MIS12: variants seen among roughly 807,000 people sequenced by gnomAD.
The protein encoded by MIS12 is protein MIS12 homolog.
Under a neutral mutation model 16.5 loss-of-function variants are expected in MIS12, and 13 were observed. That is an observed-to-expected ratio of 0.79 (90% CI 0.51 to 1.25). The LOEUF is 1.25. MIS12 is among the 50% of genes most tolerant of loss of function. The probability of loss-of-function intolerance (pLI) is 0.00; values close to 1 mark genes in which losing one functional copy is unlikely to be tolerated. For synonymous variants in MIS12, 97 were observed against 87.3 expected, an observed-to-expected ratio of 1.11 and a Z score of -0.62; for missense variants, 199 against 239.5, an observed-to-expected ratio of 0.83 and a Z score of 1.12.
chr17:5,486,989 T>C (rs1214159768), intron 1 of MIS12: 1 of 152,292 alleles, frequency 6.6e-6, no homozygotes. Flanking sequence ...GCCGCATTTA[T>C]TCTGCTCTCA....
rs1178352995 is a variant in MIS12, at chr17:5,490,384, T to G, written c.*904T>G. On this transcript the variant is annotated 3_prime_UTR_variant, in exon 3 of 3. Coordinates refer to ENST00000611091, the MANE Select transcript of MIS12 (RefSeq NM_001258217.2). ...GTAGCATATACTCAGTAGTGAAATT[T>G]AATTTTACTGACTGTTAGGTATCTA... 1 of 167,134 alleles carries G rather than the reference T, an allele frequency of 6.0e-6. No homozygotes were observed. The highest frequency in any genetic ancestry group is 1.5e-5 in the Non-Finnish European group (1 of 68,128). The allele number at this position is 167,134 out of a possible 1,614,324, so 10.4% of individuals were successfully genotyped here.
chr17:5,488,894 A>C lies in MIS12; in HGVS notation c.32A>C (p.Gln11Pro). Residue 11 changes from glutamine (Q) to proline (P), a missense_variant, in exon 3 of 3, where the codon CAG becomes CCG. Transcript: ENST00000611091. Reference protein sequence around the residue: MSVDPMTYEAQFFGFTPQTCM... With the variant: MSVDPMTYEAPFFGFTPQTCM... ...GTGGATCCAATGACCTACGAGGCCCAGTTCTTTGGCTTCACGCCACAAACG... is the reference window on the plus strand; with the variant it reads ...GTGGATCCAATGACCTACGAGGCCCCGTTCTTTGGCTTCACGCCACAAACG... The C allele has an allele frequency of 1.2e-6, 2 of 1,614,166 alleles. No homozygotes were observed. The highest frequency in any genetic ancestry group is 3.3e-5 in the Admixed American group (2 of 60,024).
Position 5,489,572 on chromosome 17 carries a change from G to A in MIS12, c.*92G>A. On this transcript the variant is annotated 3_prime_UTR_variant, in exon 3 of 3. Coordinates refer to ENST00000611091, the MANE Select transcript of MIS12 (RefSeq NM_001258217.2). ...GACTGTTCAAATCATACCAGTGACT[G>A]TTCAAACCAACCATACTTTTTATTA... 7.6e-7 allele frequency: 1 copy of A among 1,313,932 alleles called. No homozygotes were observed. The highest frequency in any genetic ancestry group is 1.0e-6 in the Non-Finnish European group (1 of 968,868). 81.4% of individuals were successfully genotyped at this position (1,313,932 alleles called of 1,614,324 possible). A position where few individuals can be genotyped will look rare whatever the true frequency, so the allele number is the denominator to read the frequency against.
At position 5,489,345 on chromosome 17, in the gene MIS12, G is replaced by A. The variant is rs139365922; in HGVS notation, c.483G>A (p.Glu161=). The A allele has an allele frequency of 6.8e-6, 11 of 1,614,046 alleles. No individual in the cohort carries two copies. Among genetic ancestry groups the A allele is most frequent in the Middle Eastern group, 1.6e-4 (1 of 6,062 alleles). ...KLKQTLTFFD[E]LHNVGRDHGT... is the part of the protein sequence containing the mutation. Reference sequence around the variant, plus strand: ...AACAGACGTTGACTTTCTTTGATGAGCTTCATAATGTTGGCAGAGATCATG... The same window carrying A: ...AACAGACGTTGACTTTCTTTGATGAACTTCATAATGTTGGCAGAGATCATG... Residue 161 remains glutamate (E), a synonymous_variant, in exon 3 of 3, where the codon GAG becomes GAA. Transcript: ENST00000611091.
Position 5,489,175 on chromosome 17 carries a change from A to G in MIS12, c.313A>G (p.Lys105Glu). 1 of 1,614,228 alleles carries G rather than the reference A, an allele frequency of 6.2e-7. No individual in the cohort carries two copies. The highest frequency in any genetic ancestry group is 8.5e-7 in the Non-Finnish European group (1 of 1,180,038). Residue 105 changes from lysine to glutamate, a missense_variant, in exon 3 of 3, where the codon AAG becomes GAG. Transcript: ENST00000611091. ...CATCTTGCTTCCTGAAGATAAATGT[A>G]AGGAGACACCTTATAGTGAGGAAGA... ...SNILLPEDKC[K>E]ETPYSEEDFQ...
At chr17:5,488,145 G>A (rs971792887) in intron 1 of MIS12, 51 bp from the exon 2 acceptor site, 4 of 152,132 alleles carry the variant, frequency 2.6e-5, no homozygotes, top group African/African-American at 9.7e-5. Flanking sequence ...ACATGTCAGG[G>A]TTATAAAGCT....
Position 5,488,488 on chromosome 17 carries a change from C to A in MIS12, c.-142C>A. The A allele has an allele frequency of 1.6e-5, 3 of 182,490 alleles. No individual in the cohort carries two copies. The highest frequency in any genetic ancestry group is 1.2e-4 in the South Asian group (1 of 8,690). The allele number at this position is 182,490 out of a possible 1,614,324, so 11.3% of individuals were successfully genotyped here. On this transcript the variant is annotated 5_prime_UTR_variant, in exon 2 of 3. Coordinates refer to ENST00000611091, the MANE Select transcript of MIS12 (RefSeq NM_001258217.2). ...AAGGTGGAGCTATAGGTCATTGAAG[C>A]TCAAGAAACTGAGTCTCTAGGGCAT...
Position 5,488,993 on chromosome 17 carries a change from T to C in MIS12, c.131T>C (p.Leu44Pro). Reference sequence around the variant, plus strand: ...ATGCAGGCCGTTGAACAGGTTATTCTGAAGAAGCTGGATGGCATCCCAGAC... The same window carrying C: ...ATGCAGGCCGTTGAACAGGTTATTCCGAAGAAGCTGGATGGCATCCCAGAC... ...EVMQAVEQVI[L>P]KKLDGIPDCD... Residue 44 changes from leucine to proline, a missense_variant, in exon 3 of 3, where the codon CTG becomes CCG. Leu to Pro is a moderately conservative substitution (Grantham distance 98). Transcript: ENST00000611091. 1 of 1,614,256 alleles carries C rather than the reference T, an allele frequency of 6.2e-7. No homozygotes were observed. Among genetic ancestry groups the C allele is most frequent in the South Asian group, 1.1e-5 (1 of 91,084 alleles).
Position 5,490,111 on chromosome 17 carries a change from G to A in MIS12, c.*631G>A, listed in dbSNP as rs1805466. ...TTTTATTAACCAGTCATTACACTGC[G>A]GAACAGCCAACATAGAGTACTTGCT... is the stretch of plus-strand genomic sequence containing the variant. On this transcript the variant is annotated 3_prime_UTR_variant, in exon 3 of 3. Transcript: ENST00000611091. 5,588 of 167,064 alleles carry A rather than the reference G, an allele frequency of 0.033. 109 individuals are homozygous for A. The highest frequency in any genetic ancestry group is 0.054 in the Middle Eastern group (16 of 296). The allele number at this position is 167,064 out of a possible 1,614,324, so 10.3% of individuals were successfully genotyped here.
chr17:5,488,617 A>C (rs1206656362), intron 2 of MIS12, 28 bp downstream of exon 2: 3 of 438,378 alleles, frequency 6.8e-6, no homozygotes, highest in East Asian at 4.4e-5. Context: ...CGAGGAGGGG[A>C]AAAGGGAGGG....
rs1282086914 is a variant in MIS12, at chr17:5,489,975, T to A, written c.*495T>A. The A allele has an allele frequency of 6.0e-6, 1 of 167,088 alleles. No homozygotes were observed. The highest frequency in any genetic ancestry group is 1.5e-5 in the Non-Finnish European group (1 of 68,410). The allele number at this position is 167,088 out of a possible 1,614,324, so 10.4% of individuals were successfully genotyped here. On this transcript the variant is annotated 3_prime_UTR_variant, in exon 3 of 3. Coordinates refer to ENST00000611091, the MANE Select transcript of MIS12 (RefSeq NM_001258217.2). Reference sequence around the variant, plus strand: ...ACCTCTGTGTCCTGGGCTCAAGTGATCCTCCTGCCTCAGCCTCCCAAGTAG... The same window carrying A: ...ACCTCTGTGTCCTGGGCTCAAGTGAACCTCCTGCCTCAGCCTCCCAAGTAG...
rs747226379 is a variant in MIS12 at position 5,489,522 on chromosome 17, TCATAAGGACTGTTCAAAC to T, written c.*60_*77del. 54 of 1,539,342 alleles carry T rather than the reference TCATAAGGACTGTTCAAAC, an allele frequency of 3.5e-5. No homozygotes were observed. In the East Asian group the frequency reaches 5.6e-4, roughly 16 times the overall value. On this transcript the variant is annotated 3_prime_UTR_variant, in exon 3 of 3. Coordinates refer to ENST00000611091, the MANE Select transcript of MIS12 (RefSeq NM_001258217.2). ...AGGAGGAGCCTGTCAAAAAGTAGAA[TCATAAGGACTGTTCAAAC>T]CATAAGGACTGTTCAAATCATACCA...
intron 1 of MIS12, among the ~76,000 whole-genome samples, chr17:5,487,966 T>C (rs188332188): frequency 6.6e-6 from 1 of 152,370 alleles, no homozygotes; most frequent in East Asian, 1.9e-4. Flanking sequence ...TTTAGCTAAT[T>C]GCCTTTATCT....
chr17:5,488,806 C>T lies in MIS12; in HGVS notation c.-40-17C>T, dbSNP rs1442754200. The T allele has an allele frequency of 1.4e-5, 22 of 1,539,234 alleles. 1 individual carries two copies. The highest frequency in any genetic ancestry group is 1.5e-5 in the Non-Finnish European group (17 of 1,142,638). On this transcript the variant is annotated splice_polypyrimidine_tract_variant and intron_variant, in intron 2 of 2. Transcript: ENST00000611091. ...TTTTTTTTTTCCAAATGAATTATTT[C>T]CTTTTTACATTTGCAGGTTTTTCAC...
In MIS12 at chr17:5,488,954, A is replaced by G. The variant is rs1906573894; in HGVS notation, c.92A>G (p.Tyr31Cys). The stretch of plus-strand genomic sequence containing the variant: ...CGGATCTACATTGCATTTCAAGACT[A>G]CCTATTTGAAGTGATGCAGGCCGTT... ...MLRIYIAFQDYLFEVMQAVEQ... is the reference protein window; with the variant it reads ...MLRIYIAFQDCLFEVMQAVEQ... Residue 31 changes from tyrosine (Y) to cysteine (C), a missense_variant, in exon 3 of 3, where the codon TAC (tyrosine) becomes TGC (cysteine). Physicochemically the swap from Tyr to Cys is radical, Grantham distance 194 (BLOSUM62 -2). Coordinates refer to ENST00000611091, the MANE Select transcript of MIS12 (RefSeq NM_001258217.2). The G allele has an allele frequency of 6.2e-7, 1 of 1,614,084 alleles. No homozygotes were observed. The highest frequency in any genetic ancestry group is 8.5e-7 in the Non-Finnish European group (1 of 1,180,044).
chr17:5,490,317 A>G lies in MIS12; in HGVS notation c.*837A>G, dbSNP rs990644907. 1 of 167,114 alleles carries G rather than the reference A, an allele frequency of 6.0e-6. No individual in the cohort carries two copies. The highest frequency in any genetic ancestry group is 1.5e-5 in the Non-Finnish European group (1 of 68,120). The allele number at this position is 167,114 out of a possible 1,614,324, so 10.4% of individuals were successfully genotyped here. A position where few individuals can be genotyped will look rare whatever the true frequency, so the allele number is the denominator to read the frequency against. The stretch of plus-strand genomic sequence containing the variant: ...GTCTTAGAGTCCAGCAGAAGACCTT[A>G]GACAAAAAAAGCAGAACCCACTGGA... On this transcript the variant is annotated 3_prime_UTR_variant, in exon 3 of 3. Transcript: ENST00000611091.
Position 5,490,676 on chromosome 17 carries a change from A to G in MIS12, c.*1196A>G, listed in dbSNP as rs1188694395. On this transcript the variant is annotated 3_prime_UTR_variant, in exon 3 of 3. Transcript: ENST00000611091. ...GAGCAGAACTTGGAGTTTCTCCTTT[A>G]TGTAGAGAAGAAGTAACTTAGGGTG... is the stretch of plus-strand genomic sequence containing the variant. 1.8e-5 allele frequency: 3 copies of G among 167,122 alleles called. No homozygotes were observed. In the Admixed American group the frequency reaches 2.0e-4, roughly 11 times the overall value. 10.4% of individuals were successfully genotyped at this position (167,122 alleles called of 1,614,324 possible). A position where few individuals can be genotyped will look rare whatever the true frequency, so the allele number is the denominator to read the frequency against.
chr17:5,489,666 G>A lies in MIS12; in HGVS notation c.*186G>A, dbSNP rs1906640416. 1 of 641,354 alleles carries A rather than the reference G, an allele frequency of 1.6e-6. No homozygotes were observed. Among genetic ancestry groups the A allele is most frequent in the Non-Finnish European group, 2.6e-6 (1 of 386,330 alleles). 39.7% of individuals were successfully genotyped at this position (641,354 alleles called of 1,614,324 possible). A position where few individuals can be genotyped will look rare whatever the true frequency, so the allele number is the denominator to read the frequency against. On this transcript the variant is annotated 3_prime_UTR_variant, in exon 3 of 3. Transcript: ENST00000611091. ...TTTTTGGTCCACTTTGCTGAGGTATGAAGTGTACTACTTTGAACTAGGCTG... is the reference window on the plus strand; with the variant it reads ...TTTTTGGTCCACTTTGCTGAGGTATAAAGTGTACTACTTTGAACTAGGCTG...
At position 5,488,661 on chromosome 17, in the gene MIS12, A is replaced by G. The variant is rs958192388; in HGVS notation, c.-41+72A>G. On this transcript the variant is annotated intron_variant, in intron 2 of 2. Transcript: ENST00000611091. ...GATGGAAGGAGCCTCAGAGAGGCAA[A>G]GAGTTTATATCCTGTTGTGGGAGTG... 63 of 545,614 alleles carry G rather than the reference A, an allele frequency of 1.2e-4. No individual in the cohort carries two copies. The East Asian group carries it at 2.1e-3, about 18-fold the overall frequency. The allele number at this position is 545,614 out of a possible 1,614,324, so 33.8% of individuals were successfully genotyped here. A position where few individuals can be genotyped will look rare whatever the true frequency, so the allele number is the denominator to read the frequency against.
Sources: allele counts gnomAD v4.1 joint callset (sites outside exome capture counted in the v4.1 genomes callset), GRCh38; gene constraint gnomAD v4.1.1; transcripts MANE v1.5; gene names NCBI Gene and HGNC (gene_info 2026-07-23, HGNC 2026-07-21).